PDE6A: variants seen among roughly 807,000 people sequenced by gnomAD.
PDE6A encodes the protein phosphodiesterase 6A.
A neutral mutation model predicts 106.3 loss-of-function variants in PDE6A; 84 were observed. That is an observed-to-expected ratio of 0.79 (90% CI 0.66 to 0.95). The LOEUF is 0.95. PDE6A is among the 40% of genes least tolerant of loss of function. PDE6A has a pLI of 0.00. For missense variants in PDE6A, 1,052 were observed against 1,084.9 expected (o/e 0.97, Z 0.43); for synonymous variants, 394 against 386.6 (o/e 1.02, Z -0.23).
intron 10 of PDE6A, 111 bp from the exon 11 acceptor site, chr5:149,896,887 C>G (rs1384726588): frequency 2.6e-6 from 3 of 1,175,996 alleles, no homozygotes; most frequent in Non-Finnish European, 3.8e-6. Flanking sequence ...ACCACCAGCT[C>G]AAAGAGGATT....
chr5:149,866,137 A>G (rs766538937), intron 20 of PDE6A, 33 bp downstream of exon 20: 9 of 1,480,020 alleles, frequency 6.1e-6, no homozygotes, highest in South Asian at 1.1e-5. Context: ...TATCAAAGAC[A>G]TCTTGTTGCG....
intron 7 of PDE6A, among the ~76,000 whole-genome samples, chr5:149,906,532 A>AAAAAAAAAAAAAAAAAAAAAC (rs1753194659): frequency 6.7e-6 from 1 of 148,894 alleles, no homozygotes; most frequent in Non-Finnish European, 1.5e-5. Context: ...AAAAAAAAAA[A>AAAAAAAAAAAAAAAAAAAAAC]AAAAAATCCC....
In PDE6A at chr5:149,899,611, A is replaced by T. The variant is rs1189495999; in HGVS notation, c.1114-87T>A. 6 of 1,338,282 alleles carry T rather than the reference A, an allele frequency of 4.5e-6. No homozygotes were observed. The African/African-American group carries it at 8.6e-5, about 19-fold the overall frequency. The allele number at this position is 1,338,282 out of a possible 1,614,324, so 82.9% of individuals were successfully genotyped here. On this transcript the variant is annotated intron_variant, in intron 8 of 21. Transcript: ENST00000255266. Reference sequence around the variant, plus strand: ...GATTTCACCCTACATCATGACCCTGATTGGCTGAGAGGAGGTGGCAAGAGG... The same window carrying T: ...GATTTCACCCTACATCATGACCCTGTTTGGCTGAGAGGAGGTGGCAAGAGG...
Position 149,860,628 on chromosome 5 carries a change from C to A in PDE6A, c.*267G>T. ...CACAAATTCATAAACTTTCTTAAAACATTATGAAATTTTTTTTTTTGGCGA... is the reference window on the plus strand; with the variant it reads ...CACAAATTCATAAACTTTCTTAAAAAATTATGAAATTTTTTTTTTTGGCGA... On this transcript the variant is annotated 3_prime_UTR_variant, in exon 22 of 22. Transcript: ENST00000255266. 2.5e-6 allele frequency: 1 copy of A among 404,236 alleles called. No homozygotes were observed. Among genetic ancestry groups the A allele is most frequent in the Non-Finnish European group, 4.4e-6 (1 of 226,194 alleles). The allele number at this position is 404,236 out of a possible 1,614,324, so 25.0% of individuals were successfully genotyped here.
rs1024652361 is a variant in PDE6A, at chr5:149,863,974, G to A, written c.2359-708C>T. 6.6e-6 allele frequency among the ~76,000 whole-genome samples: 1 copy of A among 151,976 alleles called. No individual in the cohort carries two copies. The highest frequency in any genetic ancestry group is 2.4e-5 in the African/African-American group (1 of 41,372). ...TCTAACCTCCCGTTTTCTTCCTTGA[G>A]GCCTCCACTTATATGTCACTTCCTC... On this transcript the variant is annotated intron_variant, in intron 20 of 21. Transcript: ENST00000255266. This position sits in a 1 kb window ranked among gnomAD's most constrained non-coding sequence, Gnocchi z 4.7.
intron 17 of PDE6A, among the ~76,000 whole-genome samples, chr5:149,869,748 GA>G (rs1004702999): frequency 2.0e-5 from 3 of 152,178 alleles, no homozygotes; most frequent in African/African-American, 7.2e-5. Flanking sequence ...GATGGAGGGG[GA>G]TGGGGTGCTG....
intron 19 of PDE6A, chr5:149,866,458 CA>C (rs924383446): frequency 3.3e-4 from 153 of 466,382 alleles, no homozygotes; most frequent in Middle Eastern, 5.8e-4. Context: ...GGAAACTGCA[CA>C]AAAAAAAAGA....
intron 17 of PDE6A, among the ~76,000 whole-genome samples, chr5:149,880,692 G>A (rs1260804299): frequency 1.3e-5 from 2 of 151,920 alleles, no homozygotes; most frequent in Admixed American, 6.6e-5. Context: ...GCAACAGAGC[G>A]AGACTCCATC....
intron 5 of PDE6A, among the ~76,000 whole-genome samples, chr5:149,916,208 G>A (rs1753545640): frequency 6.6e-6 from 1 of 152,174 alleles, no homozygotes; most frequent in Admixed American, 6.5e-5. Context: ...TACTTAGTCT[G>A]CATGTATGCC....
intron 7 of PDE6A, among the ~76,000 whole-genome samples, chr5:149,905,444 A>G (rs550828996): frequency 6.6e-6 from 1 of 152,278 alleles, no homozygotes; most frequent in African/African-American, 2.4e-5. Context: ...AAAATGTCAT[A>G]GTTTTACCTT....
intron 4 of PDE6A, 143 bp downstream of exon 4, chr5:149,930,885 G>C (rs916593135): frequency 1.2e-6 from 1 of 803,046 alleles, no homozygotes; most frequent in Non-Finnish European, 2.1e-6. Context: ...CTCCTCAGTA[G>C]AGACCTATGT....
At chr5:149,938,180 G>A (rs1754235812) in intron 1 of PDE6A, among the ~76,000 whole-genome samples, 1 of 152,016 alleles carries the variant, frequency 6.6e-6, no homozygotes, top group Non-Finnish European at 1.5e-5. Context: ...TGGCTTCAAG[G>A]GCCACTCAGT....
In PDE6A at chr5:149,907,344, C is replaced by G. The variant is rs769449516; in HGVS notation, c.1033G>C (p.Gly345Arg). The change falls in exon 7 of 22, where the codon GGT becomes CGT. Residue 345 changes from glycine to arginine, a missense_variant. Around this residue, in one of 3 missense-constraint regions of PDE6A, gnomAD observed 913 missense variants for 915.2 expected, o/e 1.00. Coordinates refer to ENST00000255266, the MANE Select transcript of PDE6A (RefSeq NM_000440.3). ...PPPDHWALVS[G>R]LPAYVAQNGL... ...TTCTGGGCAACATAAGCTGGGAGACCGCTTACTAAAGCCCAATGGTCAGGA... is the reference window on the plus strand; with the variant it reads ...TTCTGGGCAACATAAGCTGGGAGACGGCTTACTAAAGCCCAATGGTCAGGA... 2.5e-6 allele frequency: 4 copies of G among 1,613,966 alleles called. No individual in the cohort carries two copies. In the Admixed American group the frequency reaches 6.7e-5, roughly 27 times the overall value.
At chr5:149,893,178 TG>T (rs940961934) in intron 13 of PDE6A, among the ~76,000 whole-genome samples, 2 of 152,184 alleles carry the variant, frequency 1.3e-5, no homozygotes, top group African/African-American at 4.8e-5. Flanking sequence ...TTAGGTCTTT[TG>T]GAAATTACAC....
intron 9 of PDE6A, among the ~76,000 whole-genome samples, chr5:149,898,943 A>T (rs1165609686): frequency 2.0e-5 from 3 of 152,168 alleles, no homozygotes. Flanking sequence ...GGCTCACTGC[A>T]GCTTTGACCT....
chr5:149,891,720 T>C (rs765542656), intron 13 of PDE6A, among the ~76,000 whole-genome samples: 1 of 152,062 alleles, frequency 6.6e-6, no homozygotes, highest in Non-Finnish European at 1.5e-5. Context: ...GGAAGATTGC[T>C]TGAGCCTGAG....
intron 5 of PDE6A, among the ~76,000 whole-genome samples, 196 bp downstream of exon 5, chr5:149,921,438 CT>C (rs1348558246): frequency 1.3e-5 from 2 of 151,312 alleles, no homozygotes; most frequent in Admixed American, 1.3e-4. Flanking sequence ...TTTTTTTTTA[CT>C]TTTTTTCTCT....
chr5:149,942,779 G>T (rs1008929492), intron 1 of PDE6A, among the ~76,000 whole-genome samples: 15 of 152,112 alleles, frequency 9.9e-5, no homozygotes, highest in Admixed American at 5.9e-4. Flanking sequence ...AAGAAAAGGT[G>T]CTGTGCCTTG....
intron 13 of PDE6A, among the ~76,000 whole-genome samples, chr5:149,893,003 G>C (rs906059972): frequency 6.6e-6 from 1 of 152,140 alleles, no homozygotes; most frequent in African/African-American, 2.4e-5. Context: ...GTATGCCCCT[G>C]GTAAGAGAAC....
Sources: allele counts gnomAD v4.1 joint callset (sites outside exome capture counted in the v4.1 genomes callset), GRCh38; gene constraint gnomAD v4.1.1; regional missense constraint gnomAD v4.1.1; non-coding constraint Gnocchi (gnomAD v3.1); transcripts MANE v1.5; gene names NCBI Gene and HGNC (gene_info 2026-07-23, HGNC 2026-07-21).